VAMP7: variants seen among roughly 807,000 people sequenced by gnomAD.
VAMP7 encodes the protein vesicle-associated membrane protein 7.
Under a neutral mutation model 29.6 loss-of-function variants are expected in VAMP7, and 14 were observed. The ratio of observed to expected loss-of-function variants is 0.47; its 90% CI spans 0.31 to 0.74. The LOEUF (loss-of-function observed/expected upper bound fraction) is 0.74. Among genes scored for constraint, VAMP7 ranks in the 30% least tolerant of loss-of-function variants. The pLI is 0.05. For missense variants in VAMP7, 223 were observed against 262.4 expected, an observed-to-expected ratio of 0.85 and a Z score of 1.04; for synonymous variants, 95 against 88.1, an observed-to-expected ratio of 1.08 and a Z score of -0.44.
Position 155,901,186 on chromosome X carries a change from G to C in VAMP7, c.433+599G>C, listed in dbSNP as rs181462128. On this transcript the variant is annotated intron_variant, in intron 5 of 7. Coordinates refer to ENST00000286448, the MANE Select transcript of VAMP7 (RefSeq NM_005638.6). The stretch of plus-strand genomic sequence containing the variant: ...CCTATTATGTTTTTCTTATTTTCTT[G>C]AGATTAATTATCAGGAATGGGATTA... Among the ~76,000 whole-genome samples the C allele has an allele frequency of 3.3e-3, 503 of 151,982 alleles. 1 individual carries two copies. The highest frequency in any genetic ancestry group is 0.012 in the African/African-American group (477 of 41,478).
chrX:155,940,115 T>C (rs912238860), intron 7 of VAMP7, among the ~76,000 whole-genome samples: 3 of 152,170 alleles, frequency 2.0e-5, no homozygotes, highest in African/African-American at 4.8e-5. Context: ...AAATTAATTA[T>C]GTATTTTTAA....
chrX:155,938,826 A>G (rs2066700795), intron 6 of VAMP7, among the ~76,000 whole-genome samples: 1 of 152,192 alleles, frequency 6.6e-6, no homozygotes, highest in South Asian at 2.1e-4. Flanking sequence ...AAGATAAATA[A>G]TAAAATATAG....
chrX:155,925,431 C>A (rs1238178243), intron 6 of VAMP7, among the ~76,000 whole-genome samples: 2 of 152,176 alleles, frequency 1.3e-5, no homozygotes, highest in Non-Finnish European at 2.9e-5. Context: ...CCCCAAAAGT[C>A]TGAGACAGGT....
At chrX:155,927,982 G>C (rs947276032) in intron 6 of VAMP7, among the ~76,000 whole-genome samples, 1 of 151,924 alleles carries the variant, frequency 6.6e-6, no homozygotes. Flanking sequence ...GCAGTGGCAC[G>C]ATCACAGCTT....
intron 6 of VAMP7, among the ~76,000 whole-genome samples, chrX:155,926,931 G>C (rs2066476150): frequency 6.6e-6 from 1 of 152,166 alleles, no homozygotes; most frequent in Non-Finnish European, 1.5e-5. Context: ...TCAGTGAACA[G>C]TTAGAACACA....
intron 6 of VAMP7, among the ~76,000 whole-genome samples, chrX:155,924,763 T>G (rs2066445133): frequency 6.6e-6 from 1 of 152,176 alleles, no homozygotes; most frequent in African/African-American, 2.4e-5. Flanking sequence ...ACAGTGAAGT[T>G]TACCACATTG....
chrX:155,934,432 T>C lies in VAMP7; in HGVS notation c.502-5269T>C, dbSNP rs148487964. On this transcript the variant is annotated intron_variant, in intron 6 of 7. Transcript: ENST00000286448. The stretch of plus-strand genomic sequence containing the variant: ...AGGATAGTTAGCTCTTCTTGTTGAA[T>C]TGATCCCTTTACCATTATGTAATGG... Among the ~76,000 whole-genome samples, 63 of 152,330 alleles carry C rather than the reference T, an allele frequency of 4.1e-4. No homozygotes were observed. The East Asian group carries it at 0.012, about 28-fold the overall frequency.
chrX:155,907,244 T>C (rs2066159543), intron 5 of VAMP7, among the ~76,000 whole-genome samples: 1 of 151,936 alleles, frequency 6.6e-6, no homozygotes, highest in Non-Finnish European at 1.5e-5. Context: ...TAAGAGTTGT[T>C]GGTATATCAT....
intron 1 of VAMP7, among the ~76,000 whole-genome samples, chrX:155,884,347 G>C (rs1020790094): frequency 1.3e-5 from 2 of 151,634 alleles, no homozygotes; most frequent in African/African-American, 4.8e-5. Context: ...GGCTGGTCTC[G>C]AACTCCTGAC....
intron 5 of VAMP7, among the ~76,000 whole-genome samples, chrX:155,912,877 A>G (rs75962813): frequency 1.2e-4 from 18 of 152,150 alleles, no homozygotes; most frequent in Non-Finnish European, 1.2e-4. Flanking sequence ...TATATACCCA[A>G]TAATGGGATT....
chrX:155,903,449 C>T (rs1485006372), intron 5 of VAMP7, among the ~76,000 whole-genome samples: 1 of 152,070 alleles, frequency 6.6e-6, no homozygotes, highest in Non-Finnish European at 1.5e-5. Context: ...TTTTCACAAC[C>T]TACTCATCTG....
chrX:155,921,114 T>C (rs889913360), intron 6 of VAMP7, among the ~76,000 whole-genome samples: 1 of 152,154 alleles, frequency 6.6e-6, no homozygotes, highest in Non-Finnish European at 1.5e-5. Flanking sequence ...AGGATTACCC[T>C]GCTTAGGGGG....
rs190369698 is a variant in VAMP7, at chrX:155,884,277, G to A, written c.-10+2829G>A. Among the ~76,000 whole-genome samples the A allele has an allele frequency of 6.1e-3, 930 of 151,544 alleles. 11 individuals are homozygous for A. Among genetic ancestry groups the A allele is most frequent in the African/African-American group, 0.021 (883 of 41,282 alleles). On this transcript the variant is annotated intron_variant, in intron 1 of 7. Coordinates refer to ENST00000286448, the MANE Select transcript of VAMP7 (RefSeq NM_005638.6). ...CAAGTAGCTGGAATTACAGGCGTGC[G>A]CCACCACGCCTGGCTAATTTTGTAT...
At chrX:155,923,340 A>C (rs2124359038) in intron 6 of VAMP7, among the ~76,000 whole-genome samples, 1 of 151,196 alleles carries the variant, frequency 6.6e-6, no homozygotes, top group African/African-American at 2.4e-5. Flanking sequence ...TTAACATATA[A>C]TCTTCCATTG....
intron 6 of VAMP7, 29 bp from the exon 7 acceptor site, chrX:155,939,672 G>C (rs1251666166): frequency 6.6e-7 from 1 of 1,525,038 alleles, no homozygotes; most frequent in Admixed American, 1.7e-5. Context: ...TCAGTGCCAG[G>C]GGTTAAACAA....
intron 5 of VAMP7, among the ~76,000 whole-genome samples, chrX:155,904,160 A>T (rs2066112723): frequency 1.4e-5 from 2 of 141,132 alleles, no homozygotes; most frequent in East Asian, 2.3e-4. Flanking sequence ...AACAATGAGA[A>T]CACATGGACA....
chrX:155,891,900 C>T (rs140615918), intron 2 of VAMP7, among the ~76,000 whole-genome samples: 2,302 of 152,240 alleles, frequency 0.015, 48 homozygotes, highest in Non-Finnish European at 0.017. Flanking sequence ...ATGATTTTGG[C>T]TTTATACTTT....
chrX:155,917,362 A>G (rs756901381), intron 5 of VAMP7, among the ~76,000 whole-genome samples: 19 of 152,078 alleles, frequency 1.2e-4, no homozygotes, highest in Non-Finnish European at 1.9e-4. Context: ...GCTTCTGTCA[A>G]TTTGTCAAAC....
chrX:155,907,480 C>A (rs373662322), intron 5 of VAMP7, among the ~76,000 whole-genome samples: 2 of 149,586 alleles, frequency 1.3e-5, no homozygotes, highest in South Asian at 4.3e-4. Context: ...TGACTCTTAA[C>A]GAGCATGCTG....
Sources: allele counts gnomAD v4.1 joint callset (sites outside exome capture counted in the v4.1 genomes callset), GRCh38; gene constraint gnomAD v4.1.1; transcripts MANE v1.5; gene names NCBI Gene and HGNC (gene_info 2026-07-23, HGNC 2026-07-21).